The following SMG6 variants were observed in gnomAD, a reference collection of about 807,000 sequenced individuals.
SMG6 encodes the protein telomerase-binding protein EST1A.
In SMG6, 66 loss-of-function variants were observed where a neutral mutation model predicts 142.2. The ratio of observed to expected loss-of-function variants is 0.46; its 90% confidence interval spans 0.38 to 0.57. SMG6 has a LOEUF of 0.57. Ranked by LOEUF, SMG6 falls within the 20% of genes least tolerant of loss-of-function variation. The pLI, the probability that SMG6 is intolerant of heterozygous loss-of-function variation, is 0.00. For synonymous variants in SMG6, 779 were observed against 702.4 expected (o/e 1.11, Z -1.72); for missense variants, 1,793 against 1,832.0 (o/e 0.98, Z 0.39).
chr17:2,183,270 GAAAA>G (rs1056658211), intron 12 of SMG6, among the ~76,000 whole-genome samples: 1 of 138,736 alleles, frequency 7.2e-6, no homozygotes, highest in Non-Finnish European at 1.6e-5. Context: ...GAAAAAGAAA[GAAAA>G]AAGAAAGAAG....
At chr17:2,158,709 G>C (rs2071082610) in intron 13 of SMG6, among the ~76,000 whole-genome samples, 2 of 152,076 alleles carry the variant, frequency 1.3e-5, no homozygotes, top group Admixed American at 1.3e-4. Context: ...CTGGAGATCA[G>C]GAGTTGAGAC....
At chr17:2,092,454 G>A (rs180713998) in intron 13 of SMG6, among the ~76,000 whole-genome samples, 39 of 152,314 alleles carry the variant, frequency 2.6e-4, no homozygotes, top group African/African-American at 9.1e-4. Flanking sequence ...AGCCAGCATT[G>A]CACAGATGCC....
At chr17:2,098,632 T>G (rs1555534974) in intron 13 of SMG6, among the ~76,000 whole-genome samples, 2 of 152,124 alleles carry the variant, frequency 1.3e-5, no homozygotes, top group Non-Finnish European at 2.9e-5. Context: ...TTACATACTT[T>G]TTGTTGTTGT....
chr17:2,091,994 T>C (rs1193755543), intron 13 of SMG6, among the ~76,000 whole-genome samples: 2 of 151,760 alleles, frequency 1.3e-5, no homozygotes, highest in African/African-American at 2.4e-5. Context: ...TTTTTCTTTT[T>C]TTTTTTTTGA....
At chr17:2,253,341 CA>C (rs2074091862) in intron 8 of SMG6, among the ~76,000 whole-genome samples, 1 of 152,050 alleles carries the variant, frequency 6.6e-6, no homozygotes, top group Non-Finnish European at 1.5e-5. Flanking sequence ...GATGGGGTTT[CA>C]CCGTGTTGAC....
chr17:2,285,121 T>C (rs1398286260), intron 6 of SMG6, among the ~76,000 whole-genome samples: 1 of 152,228 alleles, frequency 6.6e-6, no homozygotes, highest in African/African-American at 2.4e-5. Context: ...TTTGCATCAC[T>C]GTCTATACAG....
chr17:2,088,313 G>T, intron 13 of SMG6: 1 of 985,406 alleles, frequency 1.0e-6, no homozygotes. Context: ...GGGATTTCCA[G>T]GGCACAGCAG....
intron 13 of SMG6, among the ~76,000 whole-genome samples, chr17:2,104,795 C>A (rs2069109340): frequency 6.6e-6 from 1 of 152,114 alleles, no homozygotes; most frequent in Non-Finnish European, 1.5e-5. Context: ...AGTGATGAAG[C>A]TGGGCTTTGA....
chr17:2,298,149 T>A, intron 2 of SMG6, 94 bp from the exon 3 acceptor site: 1 of 1,153,608 alleles, frequency 8.7e-7, no homozygotes. Flanking sequence ...CCACCTCCCC[T>A]GGCAGGAAAT....
intron 6 of SMG6, among the ~76,000 whole-genome samples, chr17:2,289,422 T>C (rs531375157): frequency 1.4e-4 from 22 of 151,940 alleles, no homozygotes; most frequent in African/African-American, 5.1e-4. Flanking sequence ...CTGGGTATGA[T>C]GGTGAGTGCC....
Position 2,068,771 on chromosome 17 carries a change from G to A in SMG6, c.3835+7C>T. On this transcript the variant is annotated splice_region_variant and intron_variant, in intron 16 of 18. Coordinates refer to ENST00000263073, the MANE Select transcript of SMG6 (RefSeq NM_017575.5). This position sits in a 1 kb window ranked among gnomAD's most constrained non-coding sequence, Gnocchi z 6.7. ...CAAGGCCGCTCTGCCCTTCCCGCCT[G>A]ACTCACCGATGAGGGGCACCACCAG... is the stretch of plus-strand genomic sequence containing the variant. 6.2e-7 allele frequency: 1 copy of A among 1,613,514 alleles called. No homozygotes were observed. The highest frequency in any genetic ancestry group is 8.5e-7 in the Non-Finnish European group (1 of 1,179,708).
intron 13 of SMG6, chr17:2,088,124 T>C (rs778023144): frequency 2.0e-6 from 2 of 985,450 alleles, no homozygotes; most frequent in Non-Finnish European, 2.4e-6. Context: ...CCCTGCTAAG[T>C]GTGCAGAGGA....
chr17:2,128,600 G>A (rs2069983763), intron 13 of SMG6, among the ~76,000 whole-genome samples: 1 of 152,056 alleles, frequency 6.6e-6, no homozygotes. Flanking sequence ...ACCCACTATT[G>A]CAAACTTGAG....
chr17:2,282,231 G>A (rs1341501470), intron 8 of SMG6, among the ~76,000 whole-genome samples: 2 of 151,902 alleles, frequency 1.3e-5, no homozygotes, highest in African/African-American at 4.8e-5. Context: ...GTTATAAGAG[G>A]ATATCCCATA....
chr17:2,137,727 C>CT (rs1346283116), intron 13 of SMG6, among the ~76,000 whole-genome samples: 6 of 152,136 alleles, frequency 3.9e-5, no homozygotes, highest in African/African-American at 1.2e-4. Flanking sequence ...AATTGAAAGT[C>CT]TTTGGCTCTA....
chr17:2,269,968 G>A (rs1182061944), intron 8 of SMG6, among the ~76,000 whole-genome samples: 1 of 152,084 alleles, frequency 6.6e-6, no homozygotes, highest in East Asian at 1.9e-4. Flanking sequence ...GTTTGAGACT[G>A]CAGTGAGCTA....
chr17:2,168,534 G>T (rs1484336894), intron 13 of SMG6, among the ~76,000 whole-genome samples: 1 of 152,132 alleles, frequency 6.6e-6, no homozygotes, highest in Non-Finnish European at 1.5e-5. Flanking sequence ...TCAACTCCTA[G>T]GTTGGCCATG....
chr17:2,083,054 A>G (rs1297792357), intron 14 of SMG6, among the ~76,000 whole-genome samples: 1 of 152,228 alleles, frequency 6.6e-6, no homozygotes, highest in Admixed American at 6.5e-5. Flanking sequence ...TCACATGGCT[A>G]GTAAAGGCAG....
chr17:2,137,450 G>C (rs1373118549), intron 13 of SMG6, among the ~76,000 whole-genome samples: 1 of 152,022 alleles, frequency 6.6e-6, no homozygotes, highest in Non-Finnish European at 1.5e-5. Flanking sequence ...TCCTTGATGT[G>C]ACTCCAAGAA....
Sources: gnomAD v4.1 joint callset for allele counts (sites outside exome capture counted in the v4.1 genomes callset) on GRCh38, gnomAD v4.1.1 for gene constraint, Gnocchi (gnomAD v3.1) non-coding constraint, MANE v1.5 for transcripts, NCBI Gene and HGNC (gene_info 2026-07-23, HGNC 2026-07-21) for gene names.